Variants in TMEM232 observed in about 807,000 individuals in gnomAD.
TMEM232 encodes the protein transmembrane protein 232.
A neutral mutation model predicts 78.8 loss-of-function variants in TMEM232; 80 were observed. The ratio of observed to expected loss-of-function variants is 1.01; its 90% CI spans 0.85 to 1.22. The LOEUF is 1.22. Ranked by LOEUF, TMEM232 falls within the 50% of genes most tolerant of loss-of-function variation. The pLI is 0.00. For missense variants in TMEM232, 881 were observed against 742.2 expected, an observed-to-expected ratio of 1.19 and a Z score of -2.17; for synonymous variants, 297 against 254.3, an observed-to-expected ratio of 1.17 and a Z score of -1.60.
intron 8 of TMEM232, among the ~76,000 whole-genome samples, chr5:110,616,328 C>T (rs1308388693): frequency 6.6e-6 from 1 of 151,964 alleles, no homozygotes; most frequent in African/African-American, 2.4e-5. Flanking sequence ...AGAATAATCT[C>T]TTCAATACAT....
chr5:110,668,123 G>C (rs1790848966), intron 1 of TMEM232, among the ~76,000 whole-genome samples: 1 of 151,984 alleles, frequency 6.6e-6, no homozygotes, highest in Admixed American at 6.6e-5. Context: ...AGTTTTGGCA[G>C]GAAATGCAGG....
At chr5:110,461,633 G>C (rs1761541027) in intron 12 of TMEM232, among the ~76,000 whole-genome samples, 1 of 152,178 alleles carries the variant, frequency 6.6e-6, no homozygotes, top group South Asian at 2.1e-4. Context: ...GACTTTCATA[G>C]CTGGAAAGAA....
At chr5:110,698,290 G>C (rs570930759) in intron 1 of TMEM232, among the ~76,000 whole-genome samples, 2 of 151,900 alleles carry the variant, frequency 1.3e-5, no homozygotes, top group Admixed American at 6.6e-5. Context: ...CTGTTGTGGG[G>C]TGGGTGGAGG....
intron 12 of TMEM232, among the ~76,000 whole-genome samples, chr5:110,444,401 C>G (rs1419053529): frequency 1.3e-5 from 2 of 152,100 alleles, no homozygotes; most frequent in Non-Finnish European, 2.9e-5. Context: ...CTCCCTCCCC[C>G]AAGTGCACAG....
At chr5:110,475,423 A>ACC (rs1763137825) in intron 12 of TMEM232, among the ~76,000 whole-genome samples, 1 of 149,546 alleles carries the variant, frequency 6.7e-6, no homozygotes, top group Admixed American at 6.8e-5. Context: ...AGAGGGAGTA[A>ACC]CAGATTTCTA....
intron 8 of TMEM232, among the ~76,000 whole-genome samples, chr5:110,611,502 G>A (rs1183353563): frequency 6.6e-6 from 1 of 152,096 alleles, no homozygotes; most frequent in Non-Finnish European, 1.5e-5. Context: ...GCAGAGATGG[G>A]GCACTAACTG....
chr5:110,688,759 G>C (rs1235544197), intron 1 of TMEM232, among the ~76,000 whole-genome samples: 1 of 152,134 alleles, frequency 6.6e-6, no homozygotes, highest in African/African-American at 2.4e-5. Context: ...CCTGGGAACT[G>C]GGTCACACAA....
At chr5:110,727,354 G>A (rs1798257581), upstream of TMEM232, among the ~76,000 whole-genome samples, 1 of 152,168 alleles carries the variant, frequency 6.6e-6, no homozygotes, top group African/African-American at 2.4e-5. Context: ...GCTCATGCCT[G>A]TTATCCCAGC....
At chr5:110,491,341 G>A (rs375580995) in intron 12 of TMEM232, among the ~76,000 whole-genome samples, 1 of 152,096 alleles carries the variant, frequency 6.6e-6, no homozygotes, top group South Asian at 2.1e-4. Context: ...CATGCATGTG[G>A]ATAATTGGAA....
intron 2 of TMEM232, among the ~76,000 whole-genome samples, chr5:110,660,998 C>A (rs1410842309): frequency 2.0e-5 from 3 of 152,152 alleles, no homozygotes; most frequent in Non-Finnish European, 1.5e-5. Flanking sequence ...CTTCTTCACC[C>A]TTCCCAGCTT....
chr5:110,574,231 G>A (rs1422132097), intron 10 of TMEM232, among the ~76,000 whole-genome samples: 3 of 151,904 alleles, frequency 2.0e-5, no homozygotes, highest in Non-Finnish European at 2.9e-5. Context: ...CTTTTTAAAT[G>A]AGAAAAGGAA....
At chr5:110,696,701 T>G (rs539334719) in intron 1 of TMEM232, among the ~76,000 whole-genome samples, 5 of 152,278 alleles carry the variant, frequency 3.3e-5, no homozygotes, top group South Asian at 2.1e-4. Context: ...CATTCACAAT[T>G]GCTTCAAAGA....
At chr5:110,723,330 C>G (rs1797832647) in intron 1 of TMEM232, among the ~76,000 whole-genome samples, 1 of 152,090 alleles carries the variant, frequency 6.6e-6, no homozygotes, top group Admixed American at 6.6e-5. Context: ...AAACATACCT[C>G]AAATGTAAGA....
intron 1 of TMEM232, among the ~76,000 whole-genome samples, chr5:110,724,018 A>C (rs1444745530): frequency 1.3e-5 from 2 of 152,200 alleles, no homozygotes; most frequent in African/African-American, 4.8e-5. Context: ...GATGAACCAC[A>C]GTCAAGTTGT....
chr5:110,544,615 T>C (rs1428275277), intron 11 of TMEM232, among the ~76,000 whole-genome samples: 1 of 152,180 alleles, frequency 6.6e-6, no homozygotes, highest in Non-Finnish European at 1.5e-5. Flanking sequence ...TCTTCCCTTC[T>C]CTCACAGTCT....
At chr5:110,421,153 G>A (rs1445948924) in intron 13 of TMEM232, among the ~76,000 whole-genome samples, 1 of 151,718 alleles carries the variant, frequency 6.6e-6, no homozygotes, top group Non-Finnish European at 1.5e-5. Flanking sequence ...AAACAGAAAG[G>A]CAAAAACTCT....
At chr5:110,565,584 C>A (rs116434005) in intron 11 of TMEM232, among the ~76,000 whole-genome samples, 6 of 151,944 alleles carry the variant, frequency 3.9e-5, no homozygotes, top group African/African-American at 1.2e-4. Context: ...TGTTCCAAGT[C>A]CCATCTGAAT....
intron 12 of TMEM232, among the ~76,000 whole-genome samples, chr5:110,508,415 C>T (rs1767212013): frequency 6.6e-6 from 1 of 150,728 alleles, no homozygotes; most frequent in Non-Finnish European, 1.5e-5. Flanking sequence ...ATATAAAATA[C>T]ATATTATATA....
intron 11 of TMEM232, among the ~76,000 whole-genome samples, chr5:110,559,015 A>T (rs927853600): frequency 6.6e-6 from 1 of 152,146 alleles, no homozygotes; most frequent in African/African-American, 2.4e-5. Flanking sequence ...TTTTCCAGGG[A>T]TCTGCTCAGA....
Sources: allele counts gnomAD v4.1 joint callset (sites outside exome capture counted in the v4.1 genomes callset), GRCh38; gene constraint gnomAD v4.1.1; transcripts MANE v1.5; gene names NCBI Gene and HGNC (gene_info 2026-07-23, HGNC 2026-07-21).